Variants in GLP2R observed in about 807,000 individuals in gnomAD.
GLP2R encodes the protein glucagon like peptide 2 receptor.
A neutral mutation model predicts 68.2 loss-of-function variants in GLP2R; 59 were observed. The ratio of observed to expected loss-of-function variants is 0.87; its 90% CI spans 0.70 to 1.07. GLP2R has a LOEUF of 1.07. GLP2R is among the 50% of genes least tolerant of loss of function. The pLI, the probability that GLP2R is intolerant of heterozygous loss-of-function variation, is 0.00. For missense variants in GLP2R, 548 were observed against 677.4 expected (o/e 0.81, Z 2.12); for synonymous variants, 270 against 265.4 (o/e 1.02, Z -0.17).
chr17:9,874,102 T>C (rs2067122851), intron 10 of GLP2R, among the ~76,000 whole-genome samples: 1 of 152,154 alleles, frequency 6.6e-6, no homozygotes, highest in African/African-American at 2.4e-5. Context: ...AATTAATATA[T>C]ATACAATGCC....
intron 4 of GLP2R, among the ~76,000 whole-genome samples, chr17:9,843,814 G>C (rs1414915318): frequency 6.6e-6 from 1 of 152,204 alleles, no homozygotes; most frequent in African/African-American, 2.4e-5. Flanking sequence ...CCGATGGTCA[G>C]GCCACAAACA....
intron 3 of GLP2R, among the ~76,000 whole-genome samples, chr17:9,840,758 T>C (rs1179625666): frequency 2.6e-5 from 4 of 152,058 alleles, no homozygotes; most frequent in Non-Finnish European, 5.9e-5. Context: ...GGTGAAGATG[T>C]AGAAAAGGTA....
At chr17:9,826,404 C>T (rs1388374831) in intron 1 of GLP2R, 152 bp downstream of exon 1, 1 of 599,052 alleles carries the variant, frequency 1.7e-6, no homozygotes, top group East Asian at 3.1e-5. Context: ...CAAAGGTAAT[C>T]ACTGTTCATA....
At chr17:9,876,908 T>C (rs544340007) in intron 10 of GLP2R, among the ~76,000 whole-genome samples, 3 of 152,352 alleles carry the variant, frequency 2.0e-5, no homozygotes, top group Admixed American at 1.3e-4. Flanking sequence ...GTGTGTCAGA[T>C]ACCATTTTTT....
chr17:9,842,909 C>T (rs1247413006), intron 4 of GLP2R, among the ~76,000 whole-genome samples: 1 of 152,224 alleles, frequency 6.6e-6, no homozygotes, highest in Admixed American at 6.5e-5. Context: ...TCCCCTGTGG[C>T]TGGCTCCTTC....
At chr17:9,860,313 A>G (rs1460958925) in intron 7 of GLP2R, among the ~76,000 whole-genome samples, 1 of 152,248 alleles carries the variant, frequency 6.6e-6, no homozygotes. Flanking sequence ...CAATGGACAC[A>G]TTCAAAAATT....
intron 9 of GLP2R, among the ~76,000 whole-genome samples, chr17:9,867,168 G>C (rs1387138082): frequency 6.6e-6 from 1 of 152,148 alleles, no homozygotes; most frequent in Admixed American, 6.5e-5. Flanking sequence ...TGGATCAGAG[G>C]CTTCTGAGGA....
At position 9,869,519 on chromosome 17, in the gene GLP2R, GCTGCAGCCAAGA is replaced by G. The variant is rs535351822; in HGVS notation, c.1057-1226_1057-1215del. On this transcript the variant is annotated intron_variant, in intron 9 of 12. Coordinates refer to ENST00000262441, the MANE Select transcript of GLP2R (RefSeq NM_004246.3). ...CAGGGGGCTCTTGATCTCTCCCGAG[GCTGCAGCCAAGA>G]CGGCAGCCAGGGCCGCAGCCATCTG... 3.0e-3 allele frequency among the ~76,000 whole-genome samples: 454 copies of G among 152,334 alleles called. 1 individual carries two copies. The highest frequency in any genetic ancestry group is 4.9e-3 in the Non-Finnish European group (336 of 68,028).
At chr17:9,873,165 G>A (rs981428569) in intron 10 of GLP2R, among the ~76,000 whole-genome samples, 1 of 152,164 alleles carries the variant, frequency 6.6e-6, no homozygotes, top group African/African-American at 2.4e-5. Context: ...AGGGAGGAGA[G>A]TTCTCTCAAT....
chr17:9,880,602 G>A (rs749702213), intron 11 of GLP2R, 86 bp downstream of exon 11: 58 of 894,126 alleles, frequency 6.5e-5, no homozygotes, highest in Middle Eastern at 3.2e-4. Flanking sequence ...TAAGGAGCCC[G>A]TGGATGAAAA....
chr17:9,875,475 G>C (rs1464350475), intron 10 of GLP2R, among the ~76,000 whole-genome samples: 2 of 152,190 alleles, frequency 1.3e-5, no homozygotes, highest in African/African-American at 4.8e-5. Context: ...ACCCTGATCT[G>C]GCCTCCCTCC....
At position 9,862,001 on chromosome 17, in the gene GLP2R, G is replaced by C; in HGVS notation, c.987-20G>C. The C allele has an allele frequency of 1.3e-6, 2 of 1,577,888 alleles. No individual in the cohort carries two copies. Among genetic ancestry groups the C allele is most frequent in the Admixed American group, 1.7e-5 (1 of 59,966 alleles). ...CTTGTTTTTAAGTCTTCTACTGCCT[G>C]CTTCTACTGTTGACCTTAGGTGCTG... On this transcript the variant is annotated intron_variant, in intron 8 of 12. Coordinates refer to ENST00000262441, the MANE Select transcript of GLP2R (RefSeq NM_004246.3).
At chr17:9,843,611 C>T (rs1299065238) in intron 4 of GLP2R, among the ~76,000 whole-genome samples, 1 of 152,212 alleles carries the variant, frequency 6.6e-6, no homozygotes, top group Non-Finnish European at 1.5e-5. Context: ...CTTCTCTCCA[C>T]ATGTGTTCTT....
intron 9 of GLP2R, chr17:9,865,962 T>C: frequency 2.1e-6 from 1 of 469,428 alleles, no homozygotes; most frequent in South Asian, 1.6e-5. Context: ...GATCTTCATG[T>C]CTATCAGTTT....
rs555982551 is a variant in GLP2R at position 9,828,559 on chromosome 17, C to T, written c.189+2307C>T. On this transcript the variant is annotated intron_variant, in intron 1 of 12. Transcript: ENST00000262441. ...ATCTTACTTAATCCTCAACACAAGCCTCTGAGAAGAGTGTTATTACTGAGC... is the reference window on the plus strand; with the variant it reads ...ATCTTACTTAATCCTCAACACAAGCTTCTGAGAAGAGTGTTATTACTGAGC... 8.5e-5 allele frequency among the ~76,000 whole-genome samples: 13 copies of T among 152,290 alleles called. No individual in the cohort carries two copies. In the South Asian group the frequency reaches 2.7e-3, roughly 32 times the overall value.
intron 11 of GLP2R, among the ~76,000 whole-genome samples, chr17:9,881,272 T>G (rs2067191950): frequency 6.6e-6 from 1 of 151,994 alleles, no homozygotes; most frequent in South Asian, 2.1e-4. Flanking sequence ...CATTTCTCAG[T>G]GTCCATGACA....
At chr17:9,879,254 TATAAAATAAAATAAA>T (rs1160570734) in intron 10 of GLP2R, among the ~76,000 whole-genome samples, 5 of 114,706 alleles carry the variant, frequency 4.4e-5, no homozygotes, top group Non-Finnish European at 6.9e-5. Flanking sequence ...ATCCCCTCTC[TATAAAATAAAATAAA>T]ATAAAATAAA....
chr17:9,831,618 G>A (rs978930020), intron 1 of GLP2R, among the ~76,000 whole-genome samples: 3 of 152,156 alleles, frequency 2.0e-5, no homozygotes, highest in Non-Finnish European at 2.9e-5. Context: ...AATGGGAAGT[G>A]CAAGGATGAG....
chr17:9,882,302 G>A (rs1352988963), intron 11 of GLP2R, among the ~76,000 whole-genome samples: 1 of 152,198 alleles, frequency 6.6e-6, no homozygotes, highest in Non-Finnish European at 1.5e-5. Flanking sequence ...AAACAGGGAA[G>A]GACAGTGTTA....
Sources: allele counts gnomAD v4.1 joint callset (sites outside exome capture counted in the v4.1 genomes callset), GRCh38; gene constraint gnomAD v4.1.1; transcripts MANE v1.5; gene names NCBI Gene and HGNC (gene_info 2026-07-23, HGNC 2026-07-21).